APP: variants seen among roughly 807,000 people sequenced by gnomAD.
APP encodes amyloid-beta precursor protein.
A neutral mutation model predicts 101.4 loss-of-function variants in APP; 31 were observed. That is an observed-to-expected ratio of 0.31 (90% confidence interval 0.23 to 0.41). The LOEUF is 0.41. APP is among the 10% of genes least tolerant of loss of function. The pLI is 1.00. For synonymous variants in APP, 366 were observed against 364.4 expected (o/e 1.00, Z -0.05); for missense variants, 839 against 1,003.7 (o/e 0.84, Z 2.22).
chr21:25,917,272 A>C (rs1039963155), intron 13 of APP, among the ~76,000 whole-genome samples: 3 of 152,154 alleles, frequency 2.0e-5, no homozygotes, highest in African/African-American at 7.2e-5. Context: ...AAAAAAAAAA[A>C]AAAAAAAAAT....
At chr21:26,115,463 C>G (rs1263845801) in intron 1 of APP, among the ~76,000 whole-genome samples, 1 of 152,208 alleles carries the variant, frequency 6.6e-6, no homozygotes, top group Non-Finnish European at 1.5e-5. Context: ...ATGCCTGTCT[C>G]CCTGAATTAA....
At chr21:25,982,636 T>A (rs996219470) in intron 8 of APP, among the ~76,000 whole-genome samples, 159 bp from the exon 9 acceptor site, 3 of 152,146 alleles carry the variant, frequency 2.0e-5, no homozygotes, top group African/African-American at 7.2e-5. Context: ...GAGAACACCA[T>A]GAGACACTGT....
At chr21:26,129,231 G>C (rs1458643000) in intron 1 of APP, among the ~76,000 whole-genome samples, 2 of 152,112 alleles carry the variant, frequency 1.3e-5, no homozygotes, top group African/African-American at 2.4e-5. Flanking sequence ...CCAGCACTTT[G>C]GGAAGCCGAG....
At chr21:25,982,180 T>C (rs2042457746) in intron 9 of APP, among the ~76,000 whole-genome samples, 164 bp downstream of exon 9, 1 of 152,210 alleles carries the variant, frequency 6.6e-6, no homozygotes, top group African/African-American at 2.4e-5. Context: ...TCACGGAGGA[T>C]GCAAAAAACC....
At chr21:25,947,762 G>A (rs913238489) in intron 13 of APP, among the ~76,000 whole-genome samples, 3 of 152,128 alleles carry the variant, frequency 2.0e-5, no homozygotes, top group Admixed American at 6.5e-5. Context: ...CAGCATTTTG[G>A]GGGGCCAAGA....
intron 3 of APP, among the ~76,000 whole-genome samples, chr21:26,060,260 T>G (rs1182471023): frequency 6.6e-6 from 1 of 152,204 alleles, no homozygotes; most frequent in African/African-American, 2.4e-5. Flanking sequence ...GACATGGTAC[T>G]GTTTTACATG....
chr21:26,040,159 T>C (rs1358852706), intron 5 of APP, among the ~76,000 whole-genome samples: 1 of 152,222 alleles, frequency 6.6e-6, no homozygotes, highest in African/African-American at 2.4e-5. Context: ...AGGAAGTTTG[T>C]ATACATTGAA....
At chr21:25,964,001 C>G (rs937919168) in intron 11 of APP, among the ~76,000 whole-genome samples, 33 of 152,172 alleles carry the variant, frequency 2.2e-4, no homozygotes, top group Admixed American at 1.2e-3. Flanking sequence ...ACACTCTCCC[C>G]CTTTGGTGTT....
At chr21:25,908,001 A>G (rs1369473888) in intron 14 of APP, among the ~76,000 whole-genome samples, 2 of 152,246 alleles carry the variant, frequency 1.3e-5, no homozygotes, top group African/African-American at 4.8e-5. Flanking sequence ...TTATCTACAT[A>G]TTATATCTAG....
intron 2 of APP, among the ~76,000 whole-genome samples, chr21:26,109,539 AC>A (rs1410939942): frequency 6.6e-6 from 1 of 152,156 alleles, no homozygotes; most frequent in East Asian, 1.9e-4. Flanking sequence ...GGAACCGTGA[AC>A]CACTTAAACC....
At chr21:26,044,520 TG>T in intron 5 of APP, among the ~76,000 whole-genome samples, 1 of 152,330 alleles carries the variant, frequency 6.6e-6, no homozygotes, top group Middle Eastern at 3.4e-3. Context: ...AATTGACAAG[TG>T]AGCAATGTAT....
In APP at chr21:26,104,317, A is replaced by G. The variant is rs34984056; in HGVS notation, c.225+7662T>C. 6.2e-4 allele frequency among the ~76,000 whole-genome samples: 94 copies of G among 151,520 alleles called. 1 individual carries two copies. The Middle Eastern group carries it at 0.01, about 16-fold the overall frequency. On this transcript the variant is annotated intron_variant, in intron 2 of 17. Transcript: ENST00000346798. The stretch of plus-strand genomic sequence containing the variant: ...GTCCTCAATACATACTTGAAAAAAA[A>G]GGGGGGAAAAATCTCAAATGGTGCT...
chr21:26,047,164 G>A (rs2045645645), intron 5 of APP, among the ~76,000 whole-genome samples: 1 of 152,012 alleles, frequency 6.6e-6, no homozygotes, highest in Non-Finnish European at 1.5e-5. Flanking sequence ...TTTCAATGAG[G>A]TCATAAAACA....
rs149995579 is a variant in APP at position 26,051,060 on chromosome 21, G to T, written c.602C>A (p.Ala201Glu). The T allele has an allele frequency of 2.5e-6, 4 of 1,613,946 alleles. No individual in the cohort carries two copies. Among genetic ancestry groups the T allele is most frequent in the African/African-American group, 1.3e-5 (1 of 74,894 alleles). Residue 201 changes from alanine to glutamate, a missense_variant, in exon 5 of 18, where the codon GCG (alanine) becomes GAG (glutamate). Coordinates refer to ENST00000346798, the MANE Select transcript of APP (RefSeq NM_000484.4). ...EESDNVDSAD[A>E]EEDDSDVWWG... The stretch of plus-strand genomic sequence containing the variant: ...CCAGACATCCGAGTCATCCTCCTCC[G>T]CATCAGCAGAATCCACATTGTCACT...
At chr21:25,947,535 T>C (rs1211119814) in intron 13 of APP, among the ~76,000 whole-genome samples, 1 of 152,244 alleles carries the variant, frequency 6.6e-6, no homozygotes, top group Non-Finnish European at 1.5e-5. Flanking sequence ...AAATGAGTGG[T>C]TCTATTTTGA....
chr21:25,930,292 C>A (rs2040084974), intron 13 of APP, among the ~76,000 whole-genome samples: 1 of 152,198 alleles, frequency 6.6e-6, no homozygotes, highest in South Asian at 2.1e-4. Context: ...TAAGAAGGAT[C>A]CTGGGGCGGG....
intron 9 of APP, among the ~76,000 whole-genome samples, chr21:25,977,278 T>A (rs1178201449): frequency 6.6e-6 from 1 of 152,192 alleles, no homozygotes; most frequent in Non-Finnish European, 1.5e-5. Flanking sequence ...TTCAAGTGTA[T>A]GACAAGTAGA....
At chr21:26,095,776 ATG>A (rs994698403) in intron 2 of APP, among the ~76,000 whole-genome samples, 3 of 152,200 alleles carry the variant, frequency 2.0e-5, no homozygotes, top group African/African-American at 4.8e-5. Context: ...CTTAATTTGC[ATG>A]TGTTTTCCAA....
chr21:25,893,038 C>T (rs1317817360), intron 16 of APP, among the ~76,000 whole-genome samples: 1 of 152,020 alleles, frequency 6.6e-6, no homozygotes, highest in Non-Finnish European at 1.5e-5. Flanking sequence ...AGGTTCACTT[C>T]ATGTCTGTGT....
Sources: allele counts gnomAD v4.1 joint callset (sites outside exome capture counted in the v4.1 genomes callset), GRCh38; gene constraint gnomAD v4.1.1; transcripts MANE v1.5; gene names NCBI Gene and HGNC (gene_info 2026-07-23, HGNC 2026-07-21).